Variants in PTPRM observed in about 807,000 individuals in gnomAD.
The protein encoded by PTPRM is receptor-type tyrosine-protein phosphatase mu.
A neutral mutation model predicts 186.7 loss-of-function variants in PTPRM; 47 were observed. The observed-to-expected ratio is 0.25, with a 90% CI of 0.20 to 0.32. PTPRM has a LOEUF of 0.32. Ranked by LOEUF, PTPRM falls within the 10% of genes least tolerant of loss-of-function variation. The pLI, the probability that PTPRM is intolerant of heterozygous loss-of-function variation, is 1.00. For synonymous variants in PTPRM, 668 were observed against 674.9 expected (o/e 0.99, Z 0.16); for missense variants, 1,494 against 1,865.0 (o/e 0.80, Z 3.66).
At chr18:7,788,483 A>T (rs768560442) in intron 2 of PTPRM, among the ~76,000 whole-genome samples, 4 of 152,192 alleles carry the variant, frequency 2.6e-5, no homozygotes, top group Non-Finnish European at 4.4e-5. Context: ...ATATTAAAAC[A>T]TATATGAGTG....
At chr18:8,053,897 C>T (rs1417872188) in intron 7 of PTPRM, among the ~76,000 whole-genome samples, 1 of 151,862 alleles carries the variant, frequency 6.6e-6, no homozygotes, top group Non-Finnish European at 1.5e-5. Context: ...ATCATTTGAT[C>T]TTGTTGTAAA....
intron 19 of PTPRM, among the ~76,000 whole-genome samples, chr18:8,276,674 A>G (rs2094839426): frequency 6.6e-6 from 1 of 152,200 alleles, no homozygotes; most frequent in African/African-American, 2.4e-5. Context: ...CACCACGCTC[A>G]TGAGAGGTAC....
At chr18:7,836,372 G>A (rs1039402533) in intron 2 of PTPRM, among the ~76,000 whole-genome samples, 4 of 152,026 alleles carry the variant, frequency 2.6e-5, no homozygotes, top group Non-Finnish European at 4.4e-5. Flanking sequence ...AAAAGAAAAC[G>A]AATAATGCTC....
intron 1 of PTPRM, among the ~76,000 whole-genome samples, chr18:7,694,977 C>G (rs2039813244): frequency 6.6e-6 from 1 of 152,172 alleles, no homozygotes; most frequent in South Asian, 2.1e-4. Context: ...TTCCTAAGCG[C>G]TTTTCCATTT....
rs575296561 is a variant in PTPRM, at chr18:8,264,022, G to A, written c.2754+10608G>A. On this transcript the variant is annotated intron_variant, in intron 19 of 32. Coordinates refer to ENST00000580170, the MANE Select transcript of PTPRM (RefSeq NM_001105244.2). ...CTGGGGACTGGCATCTGAAGCGGGG[G>A]GTTGCCATCTTGTGGGACTGAGGCC... 3.3e-4 allele frequency among the ~76,000 whole-genome samples: 50 copies of A among 152,282 alleles called. 1 individual carries two copies. Among genetic ancestry groups the A allele is most frequent in the Admixed American group, 2.9e-3 (44 of 15,296 alleles).
At chr18:7,998,608 GA>G (rs1190121917) in intron 7 of PTPRM, among the ~76,000 whole-genome samples, 2 of 151,976 alleles carry the variant, frequency 1.3e-5, no homozygotes, top group Non-Finnish European at 2.9e-5. Context: ...TTCATATAGT[GA>G]AAAAAATTAC....
intron 1 of PTPRM, among the ~76,000 whole-genome samples, chr18:7,588,191 T>C (rs900994544): frequency 6.6e-5 from 10 of 152,178 alleles, no homozygotes; most frequent in Admixed American, 6.5e-4. Context: ...CTGTTTATAC[T>C]GAACTCCGGC....
chr18:8,376,734 C>A, intron 26 of PTPRM, 137 bp downstream of exon 26: 2 of 984,680 alleles, frequency 2.0e-6, no homozygotes, highest in Non-Finnish European at 1.4e-6. Flanking sequence ...CTGTTCCTTC[C>A]CTCCCTCCCT....
intron 22 of PTPRM, among the ~76,000 whole-genome samples, chr18:8,319,891 C>G (rs1271966891): frequency 6.6e-6 from 1 of 152,084 alleles, no homozygotes; most frequent in Non-Finnish European, 1.5e-5. Context: ...AACAGAAGAG[C>G]TAGAGGACAT....
At chr18:7,874,339 G>A (rs1184171470) in intron 2 of PTPRM, among the ~76,000 whole-genome samples, 1 of 152,096 alleles carries the variant, frequency 6.6e-6, no homozygotes, top group Non-Finnish European at 1.5e-5. Context: ...AATGGGGAAA[G>A]AACGAACTGG....
At chr18:8,380,090 G>T (rs1003595122) in intron 28 of PTPRM, among the ~76,000 whole-genome samples, 3 of 152,116 alleles carry the variant, frequency 2.0e-5, no homozygotes, top group Non-Finnish European at 4.4e-5. Flanking sequence ...AGTTTTCTTG[G>T]TATCAAAGTA....
At chr18:7,719,079 A>G (rs769548690) in intron 1 of PTPRM, among the ~76,000 whole-genome samples, 18 of 152,220 alleles carry the variant, frequency 1.2e-4, no homozygotes, top group Non-Finnish European at 2.4e-4. Context: ...TCATTATATG[A>G]AAAGACACTT....
intron 1 of PTPRM, among the ~76,000 whole-genome samples, chr18:7,582,870 C>T (rs2036882481): frequency 6.6e-6 from 1 of 152,152 alleles, no homozygotes; most frequent in East Asian, 1.9e-4. Context: ...ATCCCTGTGT[C>T]CCTGGGTGAG....
At chr18:7,913,346 G>T (rs1370080958) in intron 4 of PTPRM, among the ~76,000 whole-genome samples, 1 of 151,990 alleles carries the variant, frequency 6.6e-6, no homozygotes, top group Non-Finnish European at 1.5e-5. Context: ...TTGCTAGTTT[G>T]CCATGGCTAA....
At chr18:8,293,433 G>T (rs570250549) in intron 19 of PTPRM, among the ~76,000 whole-genome samples, 1 of 152,276 alleles carries the variant, frequency 6.6e-6, no homozygotes, top group African/African-American at 2.4e-5. Flanking sequence ...CCACGTGAAG[G>T]CTCAGGGAAT....
At chr18:7,796,820 G>A (rs1386920651) in intron 2 of PTPRM, among the ~76,000 whole-genome samples, 1 of 152,212 alleles carries the variant, frequency 6.6e-6, no homozygotes, top group East Asian at 1.9e-4. Flanking sequence ...TTGTCCAGTG[G>A]TGCACTGAGC....
intron 14 of PTPRM, among the ~76,000 whole-genome samples, chr18:8,240,499 G>GAGGAAGGAAGGAAGGAAGGAAGGAAGGA (rs1300777583): frequency 7.4e-5 from 1 of 13,552 alleles, no homozygotes; most frequent in Non-Finnish European, 1.3e-4. Flanking sequence ...GAGAGAGAGA[G>GAGGAAGGAAGGAAGGAAGGAAGGAAGGA]AGGAAGGAAG....
intron 1 of PTPRM, among the ~76,000 whole-genome samples, chr18:7,643,286 A>G (rs116676075): frequency 6.6e-6 from 1 of 152,122 alleles, no homozygotes; most frequent in African/African-American, 2.4e-5. Flanking sequence ...CCATTATTGG[A>G]AAAACCTATG....
intron 2 of PTPRM, among the ~76,000 whole-genome samples, chr18:7,863,370 C>A (rs1372093664): frequency 2.0e-5 from 3 of 152,044 alleles, no homozygotes; most frequent in African/African-American, 7.2e-5. Context: ...CCCCGACAGG[C>A]CCTGGAGTGT....
Sources: allele counts gnomAD v4.1 joint callset (sites outside exome capture counted in the v4.1 genomes callset), GRCh38; gene constraint gnomAD v4.1.1; transcripts MANE v1.5; gene names NCBI Gene and HGNC (gene_info 2026-07-23, HGNC 2026-07-21).